Variants in TBX22 observed in about 807,000 individuals in gnomAD.
TBX22 encodes T-box transcription factor TBX22.
A neutral mutation model predicts 30.1 loss-of-function variants in TBX22; 8 were observed. That is an observed-to-expected ratio of 0.27 (90% CI 0.16 to 0.48). TBX22 has a LOEUF of 0.48. Among genes scored for constraint, TBX22 ranks in the 20% least tolerant of loss-of-function variants. TBX22 has a pLI of 0.99. For synonymous variants in TBX22, 173 were observed against 149.1 expected, an observed-to-expected ratio of 1.16 and a Z score of -1.17; for missense variants, 463 against 400.5, an observed-to-expected ratio of 1.16 and a Z score of -1.33.
intron 8 of TBX22, among the ~76,000 whole-genome samples, chrX:80,029,475 T>A (rs1406267489): frequency 1.8e-5 from 2 of 112,340 alleles, no homozygotes; most frequent in African/African-American, 6.5e-5. Flanking sequence ...TGCAAAATTA[T>A]TTCCAACTCT....
chrX:80,026,668 C>T (rs1448526449), intron 5 of TBX22, 36 bp from the exon 6 acceptor site: 1 of 1,203,742 alleles, frequency 8.3e-7, no homozygotes, highest in Non-Finnish European at 1.1e-6. Context: ...GGACTGAAGC[C>T]AGTTTTTCTA....
chrX:80,024,003 A>T (rs1923847118), intron 3 of TBX22, 60 bp from the exon 4 acceptor site: 1 of 1,083,231 alleles, frequency 9.2e-7, no homozygotes, highest in African/African-American at 1.8e-5. Flanking sequence ...GTCCAGAAAC[A>T]CTCCCTCTTC....
intron 1 of TBX22, 56 bp downstream of exon 1, chrX:80,014,943 G>A (rs1279401346): frequency 1.8e-5 from 2 of 111,825 alleles, no homozygotes; most frequent in African/African-American, 3.3e-5. Flanking sequence ...CATCAGTACA[G>A]GGATTCTCCT....
In TBX22 at chrX:80,018,869, G is replaced by A. The variant is rs1280839308; in HGVS notation, c.-2-3399G>A. Among the ~76,000 whole-genome samples, 3 of 111,983 alleles carry A rather than the reference G, an allele frequency of 2.7e-5. No homozygotes were observed. The East Asian group carries it at 8.4e-4, about 31-fold the overall frequency. On this transcript the variant is annotated intron_variant, in intron 1 of 8. Transcript: ENST00000373296. ...GAAAGTAGAGTCAGAATTTGAATCA[G>A]GTCAGTCTGAATCTAAAGTCTGTCT...
At chrX:80,022,719 T>C in intron 2 of TBX22, 1 of 429,280 alleles carries the variant, frequency 2.3e-6, no homozygotes, top group Non-Finnish European at 4.0e-6. Context: ...AGCGGGTGGC[T>C]GCTGTATCCT....
In TBX22 at chrX:80,027,982, C is replaced by G; in HGVS notation, c.864-9C>G. ...TCTGGGGATGCTGAAAGTTGACTCTCTTTTTTAGGGGTGTATTGGATGGGC... is the reference window on the plus strand; with the variant it reads ...TCTGGGGATGCTGAAAGTTGACTCTGTTTTTTAGGGGTGTATTGGATGGGC... On this transcript the variant is annotated splice_polypyrimidine_tract_variant and intron_variant, in intron 7 of 8. Transcript: ENST00000373296. 2 of 1,196,374 alleles carry G rather than the reference C, an allele frequency of 1.7e-6. No individual in the cohort carries two copies. Among genetic ancestry groups the G allele is most frequent in the Non-Finnish European group, 2.3e-6 (2 of 881,773 alleles).
chrX:80,022,575 G>A, intron 2 of TBX22, 131 bp downstream of exon 2: 6 of 670,889 alleles, frequency 8.9e-6, no homozygotes, highest in Non-Finnish European at 1.4e-5. Context: ...CCTGGTGAAG[G>A]GGAAGTTTCA....
Position 80,030,914 on chromosome X carries a change from C to T in TBX22, c.1366C>T (p.Pro456Ser). ...ACAGTCACCTGGAAATATTTTTCTG[C>T]CAAACTCCATCACCCCAGAAGCACT... ...GLQSPGNIFL[P>S]NSITPEALSC... The change falls in exon 9 of 9, where the codon CCA (proline) becomes TCA (serine). Residue 456 changes from proline (P) to serine (S), a missense_variant. Physicochemically the swap from Pro to Ser is moderately conservative, Grantham distance 74. Transcript: ENST00000373296. 1 of 1,211,292 alleles carries T rather than the reference C, an allele frequency of 8.3e-7. No individual in the cohort carries two copies. Among genetic ancestry groups the T allele is most frequent in the Non-Finnish European group, 1.1e-6 (1 of 894,812 alleles).
rs376686839 is a variant in TBX22, at chrX:80,028,063, C to T, written c.936C>T (p.Gly312=). The T allele has an allele frequency of 1.5e-5, 18 of 1,206,635 alleles. No individual in the cohort carries two copies. Among genetic ancestry groups the T allele is most frequent in the Middle Eastern group, 2.3e-4 (1 of 4,369 alleles). Residue 312 remains glycine (G), a synonymous_variant, in exon 8 of 9, where the codon GGC becomes GGT. Transcript: ENST00000373296. ...TCACTCTCGATTTTAAAACCTTTGGCGCAGACACACAAAGTAAGAAAACTT... is the reference window on the plus strand; with the variant it reads ...TCACTCTCGATTTTAAAACCTTTGGTGCAGACACACAAAGTAAGAAAACTT... ...PSFTLDFKTF[G]ADTQSGSSGS... is the part of the protein sequence containing the mutation.
At position 80,020,289 on chromosome X, in the gene TBX22, T is replaced by TAGA. The variant is rs1555991386; in HGVS notation, c.-2-1979_-2-1978insAGA. On this transcript the variant is annotated intron_variant, in intron 1 of 8. Transcript: ENST00000373296. ...TAAAATATAGATAGATAGAGATAGA[T>TAGA]TAGATAGATAGATAGATAGATAGAT... is the stretch of plus-strand genomic sequence containing the variant. Among the ~76,000 whole-genome samples the TAGA allele has an allele frequency of 5.2e-3, 547 of 104,646 alleles. 4 individuals carry two copies. Among genetic ancestry groups the TAGA allele is most frequent in the Admixed American group, 0.015 (142 of 9,574 alleles). 90.9% of individuals were successfully genotyped at this position (104,646 alleles called of 115,157 possible).
chrX:80,025,834 G>A, intron 5 of TBX22, 57 bp downstream of exon 5: 2 of 1,086,425 alleles, frequency 1.8e-6, no homozygotes, highest in Non-Finnish European at 1.3e-6. Flanking sequence ...CCTGCCCACT[G>A]GTCACCCTGG....
intron 1 of TBX22, among the ~76,000 whole-genome samples, chrX:80,020,316 G>GATAGATAGATA (rs764515951): frequency 9.3e-6 from 1 of 107,398 alleles, no homozygotes; most frequent in East Asian, 2.9e-4. Flanking sequence ...TAGATAGATA[G>GATAGATAGATA]ATGATACATA....
intron 6 of TBX22, 133 bp from the exon 7 acceptor site, chrX:80,027,123 G>A: frequency 1.2e-5 from 6 of 501,423 alleles, no homozygotes; most frequent in Middle Eastern, 5.4e-4. Context: ...TTGCAATATG[G>A]TTACATTTAT....
intron 1 of TBX22, among the ~76,000 whole-genome samples, chrX:80,018,206 T>C (rs1436873224): frequency 8.9e-6 from 1 of 111,984 alleles, no homozygotes; most frequent in Non-Finnish European, 1.9e-5. Flanking sequence ...TCCCTCAATT[T>C]CCTGAAGTGA....
At position 80,030,587 on chromosome X, in the gene TBX22, A is replaced by G. The variant is rs372948739; in HGVS notation, c.1039A>G (p.Met347Val). 8.3e-6 allele frequency: 10 copies of G among 1,209,686 alleles called. No individual in the cohort carries two copies. The highest frequency in any genetic ancestry group is 4.6e-4 in the Middle Eastern group (2 of 4,370). The change falls in exon 9 of 9, where the codon ATG (methionine) becomes GTG (valine). Residue 347 changes from methionine to valine, a missense_variant. Coordinates refer to ENST00000373296, the MANE Select transcript of TBX22 (RefSeq NM_001109878.2). ...SLLSPLCFSP[M>V]FHLPTSSLGM... ...ACTTTCTCCACTTTGCTTTTCACCT[A>G]TGTTTCATTTACCTACAAGCTCCCT...
Position 80,026,688 on chromosome X carries a change from A to G in TBX22, c.634-16A>G. 1 of 1,210,851 alleles carries G rather than the reference A, an allele frequency of 8.3e-7. No homozygotes were observed. The highest frequency in any genetic ancestry group is 1.7e-5 in the African/African-American group (1 of 57,813). ...GAAGCCAGTTTTTCTAACAGCATTG[A>G]TCATTTCTCCTCCAGATCATTCTGC... On this transcript the variant is annotated splice_polypyrimidine_tract_variant and intron_variant, in intron 5 of 8. Coordinates refer to ENST00000373296, the MANE Select transcript of TBX22 (RefSeq NM_001109878.2).
intron 1 of TBX22, among the ~76,000 whole-genome samples, chrX:80,019,248 C>T (rs1342207149): frequency 9.1e-6 from 1 of 110,178 alleles, no homozygotes; most frequent in Non-Finnish European, 1.9e-5. Flanking sequence ...CATTTCCTGA[C>T]TCTGCTTTCA....
chrX:80,019,608 T>C (rs1923592479), intron 1 of TBX22, among the ~76,000 whole-genome samples: 1 of 111,447 alleles, frequency 9.0e-6, no homozygotes, highest in Non-Finnish European at 1.9e-5. Flanking sequence ...GTGTGGAGAA[T>C]GAATTGCTGG....
Position 80,016,766 on chromosome X carries a change from G to A in TBX22, c.-3+1879G>A, listed in dbSNP as rs184452957. 6.9e-4 allele frequency among the ~76,000 whole-genome samples: 77 copies of A among 110,954 alleles called. 1 individual carries two copies. The East Asian group carries it at 0.019, about 28-fold the overall frequency. ...CAAGCCTGTAATCCCAGCACTTTGG[G>A]AGGCTGAGGCAGGCAGATCACCTGA... On this transcript the variant is annotated intron_variant, in intron 1 of 8. Coordinates refer to ENST00000373296, the MANE Select transcript of TBX22 (RefSeq NM_001109878.2).
Sources: allele counts gnomAD v4.1 joint callset (sites outside exome capture counted in the v4.1 genomes callset), GRCh38; gene constraint gnomAD v4.1.1; transcripts MANE v1.5; gene names NCBI Gene and HGNC (gene_info 2026-07-23, HGNC 2026-07-21).